The following ANXA6 variants were observed in gnomAD, a reference collection of about 807,000 sequenced individuals.
ANXA6 encodes the protein annexin A6, also known as 67 kDa calelectrin.
ANXA6 carries 71 observed loss-of-function variants against 95.4 expected under a neutral mutation model. That is an observed-to-expected ratio of 0.74 (90% CI 0.61 to 0.91). The LOEUF is 0.91. Among genes scored for constraint, ANXA6 ranks in the 40% least tolerant of loss-of-function variants. ANXA6 has a pLI of 0.00. For missense variants in ANXA6, 830 were observed against 876.4 expected (o/e 0.95, Z 0.67); for synonymous variants, 289 against 315.9 (o/e 0.91, Z 0.90).
At chr5:151,147,179 G>A (rs570900608) in intron 2 of ANXA6, among the ~76,000 whole-genome samples, 12 of 152,136 alleles carry the variant, frequency 7.9e-5, no homozygotes, top group Non-Finnish European at 1.3e-4. Context: ...TCTATTGCCC[G>A]GCAGAACAGT....
At position 151,106,810 on chromosome 5, in the gene ANXA6, C is replaced by A. The variant is rs115968806; in HGVS notation, c.1781-1507G>T. Among the ~76,000 whole-genome samples, 616 of 152,298 alleles carry A rather than the reference C, an allele frequency of 4.0e-3. 2 individuals are homozygous for A. Among genetic ancestry groups the A allele is most frequent in the African/African-American group, 0.014 (587 of 41,550 alleles). Reference sequence around the variant, plus strand: ...CTTCTCTCCTCTGTAACCAACCCCACAAGTCTTCCTAAAAACTGAGCCTGT... The same window carrying A: ...CTTCTCTCCTCTGTAACCAACCCCAAAAGTCTTCCTAAAAACTGAGCCTGT... On this transcript the variant is annotated intron_variant, in intron 23 of 25. Transcript: ENST00000354546.
At chr5:151,118,221 T>G (rs1418656006) in intron 18 of ANXA6, among the ~76,000 whole-genome samples, 1 of 152,090 alleles carries the variant, frequency 6.6e-6, no homozygotes, top group East Asian at 1.9e-4. Context: ...ACTCAAAAAT[T>G]CTGCCATTTT....
rs1284886308 is a variant in ANXA6 at position 151,126,390 on chromosome 5, G to A, written c.1056+12C>T. The A allele has an allele frequency of 1.2e-6, 2 of 1,603,024 alleles. No individual in the cohort carries two copies. Among genetic ancestry groups the A allele is most frequent in the Non-Finnish European group, 1.7e-6 (2 of 1,174,092 alleles). The stretch of plus-strand genomic sequence containing the variant: ...GGTCAAGAGGTCAAGCAGGAGGAGG[G>A]GAAGGTCTGACCTCTACTCGGGCCA... On this transcript the variant is annotated intron_variant, in intron 14 of 25. Transcript: ENST00000354546.
At chr5:151,128,068 G>C in intron 13 of ANXA6, 113 bp downstream of exon 13, 1 of 931,324 alleles carries the variant, frequency 1.1e-6, no homozygotes, top group Non-Finnish European at 1.7e-6. Flanking sequence ...GACGCTCCTG[G>C]CTCAGGGGAA....
chr5:151,136,044 G>A (rs1299737113), intron 7 of ANXA6, among the ~76,000 whole-genome samples: 4 of 152,214 alleles, frequency 2.6e-5, no homozygotes, highest in Non-Finnish European at 5.9e-5. Context: ...GGAGCGGGAG[G>A]AGCGAGTGTG....
In ANXA6 at chr5:151,122,198, G is replaced by A. The variant is rs991331579; in HGVS notation, c.1296C>T (p.Leu432=). 2.5e-6 allele frequency: 4 copies of A among 1,602,976 alleles called. No homozygotes were observed. Among genetic ancestry groups the A allele is most frequent in the African/African-American group, 2.7e-5 (2 of 74,096 alleles). ...SGDLARLILG[L]MMPPAHYDAK... is the part of the protein sequence containing the mutation. ...CATCGTAATGGGCCGGTGGCATCAT[G>A]AGCCCCAGAATCAGCCTTGCCAGGT... Residue 432 remains leucine, a synonymous_variant, in exon 17 of 26, where the codon CTC becomes CTT. Transcript: ENST00000354546.
intron 2 of ANXA6, chr5:151,140,577 A>AATATATATATATATATATATAT (rs61352316): frequency 1.4e-5 from 2 of 143,846 alleles, no homozygotes; most frequent in African/African-American, 5.6e-5. Context: ...GCAAGAGTCA[A>AATATATATATATATATATATAT]ATATATATAT....
rs1186832540 is a variant in ANXA6, at chr5:151,138,685, G to T, written c.311C>A (p.Ala104Asp). ...TACACCCCCACTTCTTACCGAGATG[G>T]CATCTTTAATTTCTTTGGCATCACA... is the stretch of plus-strand genomic sequence containing the variant. ...AYCDAKEIKD[A>D]ISGIGTDEKC... The change falls in exon 5 of 26, where the codon GCC becomes GAC. Residue 104 changes from alanine (A) to aspartate (D), a missense_variant. Ala to Asp is a moderately radical substitution (Grantham distance 126). Transcript: ENST00000354546. The T allele has an allele frequency of 6.2e-7, 1 of 1,611,314 alleles. No individual in the cohort carries two copies. Among genetic ancestry groups the T allele is most frequent in the Admixed American group, 1.7e-5 (1 of 59,982 alleles).
At position 151,129,302 on chromosome 5, in the gene ANXA6, C is replaced by T. The variant is rs188506982; in HGVS notation, c.918+105G>A. On this transcript the variant is annotated intron_variant, in intron 12 of 25. Coordinates refer to ENST00000354546, the MANE Select transcript of ANXA6 (RefSeq NM_001155.5). ...AGGAGCTCCTGGAATGTCCAAGAGACTCCCACTTCCTAGGACATTTCCTTT... is the reference window on the plus strand; with the variant it reads ...AGGAGCTCCTGGAATGTCCAAGAGATTCCCACTTCCTAGGACATTTCCTTT... The T allele has an allele frequency of 2.1e-6, 3 of 1,417,386 alleles. No homozygotes were observed. In the East Asian group the frequency reaches 7.0e-5, roughly 33 times the overall value. 87.8% of individuals were successfully genotyped at this position (1,417,386 alleles called of 1,614,324 possible).
intron 2 of ANXA6, among the ~76,000 whole-genome samples, 186 bp downstream of exon 2, chr5:151,147,698 T>C (rs1766006110): frequency 1.3e-5 from 2 of 152,180 alleles, no homozygotes; most frequent in African/African-American, 2.4e-5. Flanking sequence ...GTGGGTTATA[T>C]TACATTATGG....
At chr5:151,128,565 A>C (rs1013178227) in intron 12 of ANXA6, among the ~76,000 whole-genome samples, 1 of 152,234 alleles carries the variant, frequency 6.6e-6, no homozygotes, top group African/African-American at 2.4e-5. Context: ...GCCCCAGCAC[A>C]GCACTGCCAC....
chr5:151,126,607 A>G, intron 13 of ANXA6, 127 bp from the exon 14 acceptor site: 1 of 732,554 alleles, frequency 1.4e-6, no homozygotes, highest in South Asian at 1.7e-5. Context: ...CACCACACAC[A>G]CATTAAGCTT....
chr5:151,101,292 C>T lies in ANXA6; in HGVS notation c.*156G>A, dbSNP rs765126678. 85 of 700,910 alleles carry T rather than the reference C, an allele frequency of 1.2e-4. No individual in the cohort carries two copies. Among genetic ancestry groups the T allele is most frequent in the Non-Finnish European group, 2.0e-4 (80 of 398,376 alleles). 43.4% of individuals were successfully genotyped at this position (700,910 alleles called of 1,614,324 possible). On this transcript the variant is annotated 3_prime_UTR_variant, in exon 26 of 26. Transcript: ENST00000354546. ...CCTCGATGGCCCGTGGGAGTGGGAG[C>T]GTTTCCTAAGCTCCACTGAAGATAA...
chr5:151,149,927 T>C (rs1481070850), intron 1 of ANXA6, among the ~76,000 whole-genome samples: 1 of 151,628 alleles, frequency 6.6e-6, no homozygotes, highest in Non-Finnish European at 1.5e-5. Flanking sequence ...GAGACCAGCC[T>C]GGCCAACATG....
rs1765187033 is a variant in ANXA6, at chr5:151,122,214, C to T, written c.1280G>A (p.Arg427Lys). 1 of 1,605,188 alleles carries T rather than the reference C, an allele frequency of 6.2e-7. No homozygotes were observed. The highest frequency in any genetic ancestry group is 8.5e-7 in the Non-Finnish European group (1 of 1,176,862). The change falls in exon 17 of 26, where the codon AGG (arginine) becomes AAG (lysine). Residue 427 changes from arginine (R) to lysine (K), a missense_variant. Physicochemically the swap from Arg to Lys is conservative, Grantham distance 26 (BLOSUM62 2). Transcript: ENST00000354546. ...TGGCATCATGAGCCCCAGAATCAGCCTTGCCAGGTCTCCAGAGATCTCAGA... is the reference window on the plus strand; with the variant it reads ...TGGCATCATGAGCCCCAGAATCAGCTTTGCCAGGTCTCCAGAGATCTCAGA... The part of the protein sequence containing the change: ...LKSEISGDLA[R>K]LILGLMMPPA...
rs778179856 is a variant in ANXA6, at chr5:151,122,191, G to A, written c.1303C>T (p.Pro435Ser). 8 of 1,602,304 alleles carry A rather than the reference G, an allele frequency of 5.0e-6. 1 individual carries two copies. Among genetic ancestry groups the A allele is most frequent in the Non-Finnish European group, 6.8e-6 (8 of 1,175,766 alleles). ...TGCTTGGCATCGTAATGGGCCGGTG[G>A]CATCATGAGCCCCAGAATCAGCCTT... ...LARLILGLMM[P>S]PAHYDAKQLK... is the part of the protein sequence containing the mutation. The change falls in exon 17 of 26, where the codon CCA (proline) becomes TCA (serine). Residue 435 changes from proline to serine, a missense_variant. Transcript: ENST00000354546.
intron 20 of ANXA6, among the ~76,000 whole-genome samples, chr5:151,111,723 G>A (rs1351702831): frequency 6.6e-6 from 1 of 152,118 alleles, no homozygotes; most frequent in East Asian, 1.9e-4. Flanking sequence ...TGAGTAGCTG[G>A]GACTACAGGT....
chr5:151,124,541 G>A (rs559104298), intron 14 of ANXA6, among the ~76,000 whole-genome samples, 174 bp from the exon 15 acceptor site: 4,434 of 51,774 alleles, frequency 0.086, 103 homozygotes, highest in Admixed American at 0.11. Context: ...AGAGCTGAGA[G>A]AGAGAGAGAG....
At chr5:151,140,347 T>TGAGACCAAG in intron 2 of ANXA6, 104 bp from the exon 3 acceptor site, 1 of 973,996 alleles carries the variant, frequency 1.0e-6, no homozygotes, top group Non-Finnish European at 1.6e-6. Context: ...GCTGAGCTGC[T>TGAGACCAAG]TTCCCTGCAA....
Sources: gnomAD v4.1 joint callset for allele counts (sites outside exome capture counted in the v4.1 genomes callset) on GRCh38, gnomAD v4.1.1 for gene constraint, MANE v1.5 for transcripts, NCBI Gene and HGNC (gene_info 2026-07-23, HGNC 2026-07-21) for gene names.